Variants in ATRNL1 observed in about 807,000 individuals in gnomAD.
The protein encoded by ATRNL1 is attractin-like protein 1.
ATRNL1 carries 95 observed loss-of-function variants against 182.7 expected under a neutral mutation model. That is an observed-to-expected ratio of 0.52 (90% CI 0.44 to 0.62). ATRNL1 has a LOEUF of 0.62. Ranked by LOEUF, ATRNL1 falls within the 20% of genes least tolerant of loss-of-function variation. The pLI, the probability that ATRNL1 is intolerant of heterozygous loss-of-function variation, is 0.00. For missense variants in ATRNL1, 1,471 were observed against 1,679.5 expected, an observed-to-expected ratio of 0.88 and a Z score of 2.17; for synonymous variants, 576 against 568.3, an observed-to-expected ratio of 1.01 and a Z score of -0.19.
At chr10:115,643,792 C>T in intron 26 of ATRNL1, among the ~76,000 whole-genome samples, 1 of 151,988 alleles carries the variant, frequency 6.6e-6, no homozygotes, top group East Asian at 1.9e-4. Context: ...CATGCACACC[C>T]CCAAACAAAC....
intron 23 of ATRNL1, among the ~76,000 whole-genome samples, chr10:115,467,895 A>G (rs1372274367): frequency 1.3e-5 from 2 of 150,624 alleles, no homozygotes; most frequent in East Asian, 3.9e-4. Context: ...ATTGGTATCT[A>G]TTTTCTGTAT....
rs1368757526 is a variant in ATRNL1 at position 115,946,473 on chromosome 10, A to G, written c.*1694A>G. The G allele has an allele frequency of 6.6e-6, 1 of 152,222 alleles. No homozygotes were observed. The highest frequency in any genetic ancestry group is 1.5e-5 in the Non-Finnish European group (1 of 68,026). 9.4% of individuals were successfully genotyped at this position (152,222 alleles called of 1,614,324 possible). A position where few individuals can be genotyped will look rare whatever the true frequency, so the allele number is the denominator to read the frequency against. On this transcript the variant is annotated 3_prime_UTR_variant, in exon 29 of 29. Transcript: ENST00000355044. ...TAACCATGACTATGTCATTATTTTG[A>G]TAATTAGGCATTTATGAATTATAGT...
chr10:115,503,112 C>A (rs1302573954), intron 24 of ATRNL1, among the ~76,000 whole-genome samples: 1 of 152,000 alleles, frequency 6.6e-6, no homozygotes, highest in African/African-American at 2.4e-5. Context: ...GGATTTAAAA[C>A]CATGTAACTT....
chr10:115,668,732 A>G (rs147506616), intron 26 of ATRNL1, among the ~76,000 whole-genome samples: 26 of 152,272 alleles, frequency 1.7e-4, no homozygotes, highest in Admixed American at 5.9e-4. Context: ...CAGGTCACCA[A>G]GCATTTAACT....
rs74158276 is a variant in ATRNL1 at position 115,763,498 on chromosome 10, G to C, written c.3903+36143G>C. 8.9e-3 allele frequency among the ~76,000 whole-genome samples: 1,355 copies of C among 152,296 alleles called. 21 individuals are homozygous for C. Among genetic ancestry groups the C allele is most frequent in the African/African-American group, 0.031 (1,276 of 41,554 alleles). The stretch of plus-strand genomic sequence containing the variant: ...AAAAGATAAATTTCCCTAGTGAACA[G>C]AGGGCATTCCATTCAAGAGGGAACA... On this transcript the variant is annotated intron_variant, in intron 27 of 28. Coordinates refer to ENST00000355044, the MANE Select transcript of ATRNL1 (RefSeq NM_207303.4).
intron 27 of ATRNL1, among the ~76,000 whole-genome samples, chr10:115,752,411 G>A (rs532038906): frequency 3.9e-5 from 6 of 152,070 alleles, no homozygotes; most frequent in Admixed American, 1.3e-4. Context: ...TCTGTTATAG[G>A]CAGTAGGGTT....
intron 8 of ATRNL1, among the ~76,000 whole-genome samples, chr10:115,174,435 A>G (rs1282858822): frequency 1.3e-5 from 2 of 150,088 alleles, no homozygotes; most frequent in East Asian, 2.0e-4. Flanking sequence ...TCTTTGATCA[A>G]CCTCCAATTT....
At chr10:115,741,741 A>G (rs1234312737) in intron 27 of ATRNL1, among the ~76,000 whole-genome samples, 9 of 152,280 alleles carry the variant, frequency 5.9e-5, no homozygotes, top group Admixed American at 5.2e-4. Flanking sequence ...GAATGTAAGT[A>G]ACTGAATATA....
chr10:115,338,671 G>A (rs1855604660), intron 19 of ATRNL1, among the ~76,000 whole-genome samples: 1 of 152,078 alleles, frequency 6.6e-6, no homozygotes, highest in Non-Finnish European at 1.5e-5. Flanking sequence ...CTCCCATTCT[G>A]TGGGTTTTCT....
At chr10:115,372,173 A>G (rs1380194887) in intron 19 of ATRNL1, among the ~76,000 whole-genome samples, 2 of 152,202 alleles carry the variant, frequency 1.3e-5, no homozygotes, top group East Asian at 3.9e-4. Flanking sequence ...GTGGAAACGG[A>G]CTAATACATG....
At chr10:115,193,561 G>A (rs1554890338) in intron 8 of ATRNL1, among the ~76,000 whole-genome samples, 1 of 151,770 alleles carries the variant, frequency 6.6e-6, no homozygotes, top group African/African-American at 2.4e-5. Context: ...CCCTTGTAAT[G>A]TCTCCTTTTT....
intron 5 of ATRNL1, among the ~76,000 whole-genome samples, chr10:115,143,499 G>A (rs1228264178): frequency 1.3e-5 from 2 of 151,808 alleles, no homozygotes; most frequent in Non-Finnish European, 2.9e-5. Context: ...CTTAGCTCAG[G>A]CTGCTATAAC....
At chr10:115,318,414 G>A (rs1407018807) in intron 18 of ATRNL1, among the ~76,000 whole-genome samples, 3 of 152,144 alleles carry the variant, frequency 2.0e-5, no homozygotes, top group Non-Finnish European at 4.4e-5. Context: ...AAATTAGTTA[G>A]AGAGGAGTCT....
intron 21 of ATRNL1, among the ~76,000 whole-genome samples, chr10:115,459,457 C>T (rs1554969310): frequency 1.3e-5 from 2 of 152,082 alleles, no homozygotes; most frequent in East Asian, 1.9e-4. Context: ...CCTCCTGGGG[C>T]GTACCTGTCT....
intron 8 of ATRNL1, among the ~76,000 whole-genome samples, chr10:115,205,033 T>C (rs575981124): frequency 3.9e-5 from 6 of 152,220 alleles, no homozygotes; most frequent in Non-Finnish European, 8.8e-5. Context: ...TCTACACTTT[T>C]ATGCCAACTC....
intron 27 of ATRNL1, among the ~76,000 whole-genome samples, chr10:115,826,179 T>C (rs1397812152): frequency 2.0e-5 from 3 of 147,028 alleles, no homozygotes; most frequent in Non-Finnish European, 3.0e-5. Flanking sequence ...TTTTTGGAAA[T>C]GGATCAAACA....
At chr10:115,278,266 A>G (rs1852193708) in intron 13 of ATRNL1, among the ~76,000 whole-genome samples, 1 of 152,106 alleles carries the variant, frequency 6.6e-6, no homozygotes, top group Non-Finnish European at 1.5e-5. Flanking sequence ...TCATTTTTTA[A>G]TAAACATTCA....
chr10:115,508,687 C>A (rs1185864171), intron 24 of ATRNL1, among the ~76,000 whole-genome samples: 2 of 151,990 alleles, frequency 1.3e-5, no homozygotes, highest in East Asian at 3.9e-4. Context: ...GCCTAACTTT[C>A]TTCAATTCTA....
chr10:115,595,909 TCAGA>T (rs1485509199), intron 26 of ATRNL1, among the ~76,000 whole-genome samples: 15 of 152,292 alleles, frequency 9.8e-5, no homozygotes, highest in African/African-American at 3.6e-4. Flanking sequence ...CACTAATATA[TCAGA>T]CAATCACCAG....
Sources: allele counts gnomAD v4.1 joint callset (sites outside exome capture counted in the v4.1 genomes callset), GRCh38; gene constraint gnomAD v4.1.1; transcripts MANE v1.5; gene names NCBI Gene and HGNC (gene_info 2026-07-23, HGNC 2026-07-21).